GLCCI1: variants seen among roughly 807,000 people sequenced by gnomAD.
GLCCI1 encodes the protein glucocorticoid induced 1.
GLCCI1 carries 24 observed loss-of-function variants against 52.2 expected under a neutral mutation model. That is an observed-to-expected ratio of 0.46 (90% CI 0.33 to 0.65). The LOEUF is 0.65. GLCCI1 is among the 30% of genes least tolerant of loss of function. GLCCI1 has a pLI of 0.02. For synonymous variants in GLCCI1, 310 were observed against 276.5 expected (o/e 1.12, Z -1.20); for missense variants, 704 against 701.5 (o/e 1.00, Z -0.04).
intron 1 of GLCCI1, chr7:7,981,010 G>A (rs151261452): frequency 2.5e-4 from 126 of 507,132 alleles, no homozygotes; most frequent in African/African-American, 2.2e-3. Flanking sequence ...AAGGTCAGCC[G>A]AAGAAGTAGA....
intron 1 of GLCCI1, among the ~76,000 whole-genome samples, chr7:7,986,749 C>T (rs1000617972): frequency 6.6e-6 from 1 of 152,136 alleles, no homozygotes; most frequent in Non-Finnish European, 1.5e-5. Flanking sequence ...TTGGTTTCTT[C>T]ACTTATTGGC....
chr7:8,018,540 C>A (rs1583975873), intron 2 of GLCCI1, among the ~76,000 whole-genome samples: 1 of 152,214 alleles, frequency 6.6e-6, no homozygotes, highest in East Asian at 1.9e-4. Flanking sequence ...TTGTATTTTA[C>A]TTAGAGAAAA....
intron 6 of GLCCI1, among the ~76,000 whole-genome samples, chr7:8,080,591 T>TGC (rs1782974178): frequency 6.6e-6 from 1 of 151,418 alleles, no homozygotes; most frequent in African/African-American, 2.5e-5. Flanking sequence ...GATATTATTC[T>TGC]GCTTCTCTCT....
chr7:8,025,885 G>A (rs1392407249), intron 3 of GLCCI1, among the ~76,000 whole-genome samples: 2 of 152,180 alleles, frequency 1.3e-5, no homozygotes, highest in Non-Finnish European at 2.9e-5. Context: ...CAAAGTGAAG[G>A]TGAAAAAATG....
At chr7:8,026,825 C>A (rs914340411) in intron 3 of GLCCI1, among the ~76,000 whole-genome samples, 1 of 152,210 alleles carries the variant, frequency 6.6e-6, no homozygotes, top group East Asian at 1.9e-4. Context: ...CAGACAGACA[C>A]CCCCTGTTTG....
intron 1 of GLCCI1, among the ~76,000 whole-genome samples, chr7:7,994,682 G>A (rs1434044414): frequency 3.9e-5 from 6 of 152,092 alleles, no homozygotes; most frequent in Admixed American, 3.3e-4. Flanking sequence ...GTTTTGGAGG[G>A]GACATTCAAG....
intron 3 of GLCCI1, among the ~76,000 whole-genome samples, chr7:8,048,369 A>G (rs911805615): frequency 7.2e-5 from 11 of 152,082 alleles, no homozygotes; most frequent in African/African-American, 2.7e-4. Flanking sequence ...ATGATGGTTC[A>G]CACACTCAGA....
intron 5 of GLCCI1, among the ~76,000 whole-genome samples, chr7:8,069,383 C>T (rs185182093): frequency 2.0e-5 from 3 of 152,254 alleles, no homozygotes; most frequent in East Asian, 3.9e-4. Flanking sequence ...GGTCTTTGCT[C>T]CTTTCCTAGT....
intron 6 of GLCCI1, among the ~76,000 whole-genome samples, chr7:8,071,488 G>A (rs1782761206): frequency 6.6e-6 from 1 of 152,124 alleles, no homozygotes; most frequent in Non-Finnish European, 1.5e-5. Flanking sequence ...CTTAAAGTTA[G>A]ATTTTATAAT....
At chr7:7,987,056 A>G (rs765133233) in intron 1 of GLCCI1, among the ~76,000 whole-genome samples, 11 of 152,168 alleles carry the variant, frequency 7.2e-5, no homozygotes, top group East Asian at 3.9e-4. Flanking sequence ...TTATACTGCT[A>G]TAAGTACAGT....
chr7:8,013,308 A>G (rs1314731800), intron 2 of GLCCI1, among the ~76,000 whole-genome samples: 1 of 151,930 alleles, frequency 6.6e-6, no homozygotes, highest in Non-Finnish European at 1.5e-5. Flanking sequence ...AGCTTTATTT[A>G]TTTTTCAAAG....
intron 5 of GLCCI1, among the ~76,000 whole-genome samples, chr7:8,061,684 T>TTTTTTA (rs71014755): frequency 1.1e-5 from 1 of 88,548 alleles, no homozygotes; most frequent in Non-Finnish European, 2.4e-5. Context: ...TTTTTTTTTT[T>TTTTTTA]GAGACAGGGT....
At chr7:8,062,393 T>A (rs1378696670) in intron 5 of GLCCI1, among the ~76,000 whole-genome samples, 1 of 152,196 alleles carries the variant, frequency 6.6e-6, no homozygotes. Flanking sequence ...AATTAAAAAT[T>A]ATCTTTAGAG....
intron 4 of GLCCI1, among the ~76,000 whole-genome samples, chr7:8,059,242 A>G (rs17142554): frequency 0.15 from 22,467 of 152,172 alleles, 1,791 homozygotes; most frequent in Admixed American, 0.2. Context: ...AAGTTCATGC[A>G]TCAATAAGAG....
At position 8,006,236 on chromosome 7, in the gene GLCCI1, A is replaced by G. The variant is rs146887944; in HGVS notation, c.609+2177A>G. 3.9e-5 allele frequency among the ~76,000 whole-genome samples: 6 copies of G among 152,344 alleles called. No individual in the cohort carries two copies. In the East Asian group the frequency reaches 1.2e-3, roughly 29 times the overall value. On this transcript the variant is annotated intron_variant, in intron 2 of 7. Transcript: ENST00000223145. ...AGAAAGCTATTCTAAGAAAGGAAAA[A>G]ATTGTTGACAGTATCAGATGCTAAA...
Position 8,055,712 on chromosome 7 carries a change from G to A in GLCCI1, c.813+163G>A, listed in dbSNP as rs1782375167. On this transcript the variant is annotated intron_variant, in intron 4 of 7. Coordinates refer to ENST00000223145, the MANE Select transcript of GLCCI1 (RefSeq NM_138426.4). ...ATTGTTAGAAAGCAGCCGGGCGGCC[G>A]GCCTTGGTGGCTCACGCCTGTAATC... 6 of 504,388 alleles carry A rather than the reference G, an allele frequency of 1.2e-5. No homozygotes were observed. The Admixed American group carries it at 1.3e-4, about 11-fold the overall frequency. 31.2% of individuals were successfully genotyped at this position (504,388 alleles called of 1,614,324 possible). A position where few individuals can be genotyped will look rare whatever the true frequency, so the allele number is the denominator to read the frequency against.
In GLCCI1 at chr7:8,023,588, CTTTTTT is replaced by C. The variant is rs571726894; in HGVS notation, c.696+1042_696+1047del. ...AGATGGTCATCTAATCTCTGTTATT[CTTTTTT>C]TTTTTTTTTTTTTTTTTTTTTTGAG... On this transcript the variant is annotated intron_variant, in intron 3 of 7. Coordinates refer to ENST00000223145, the MANE Select transcript of GLCCI1 (RefSeq NM_138426.4). Among the ~76,000 whole-genome samples, 399 of 41,934 alleles carry C rather than the reference CTTTTTT, an allele frequency of 9.5e-3. 2 individuals carry two copies. The highest frequency in any genetic ancestry group is 0.016 in the Admixed American group (48 of 2,970). The allele number at this position is 41,934 out of a possible 152,430, so 27.5% of individuals were successfully genotyped here. A position where few individuals can be genotyped will look rare whatever the true frequency, so the allele number is the denominator to read the frequency against.
At chr7:8,074,042 T>G (rs1205510774) in intron 6 of GLCCI1, among the ~76,000 whole-genome samples, 1 of 152,214 alleles carries the variant, frequency 6.6e-6, no homozygotes, top group African/African-American at 2.4e-5. Flanking sequence ...GTGTTAGAAT[T>G]GGGAGTTGAG....
chr7:7,981,868 A>C, intron 1 of GLCCI1: 1 of 454,070 alleles, frequency 2.2e-6, no homozygotes, highest in South Asian at 1.6e-5. Flanking sequence ...GAGCAGGCAG[A>C]AGACTCCAAG....
Sources: gnomAD v4.1 joint callset for allele counts (sites outside exome capture counted in the v4.1 genomes callset) on GRCh38, gnomAD v4.1.1 for gene constraint, MANE v1.5 for transcripts, NCBI Gene and HGNC (gene_info 2026-07-23, HGNC 2026-07-21) for gene names.